SDK2: variants seen among roughly 807,000 people sequenced by gnomAD.
SDK2 encodes sidekick cell adhesion molecule 2.
In SDK2, 105 loss-of-function variants were observed where a neutral mutation model predicts 253.9. That is an observed-to-expected ratio of 0.41 (90% CI 0.35 to 0.49). The LOEUF (loss-of-function observed/expected upper bound fraction) is 0.49, where lower values mean the gene tolerates loss of function less well. Ranked by LOEUF, SDK2 falls within the 20% of genes least tolerant of loss-of-function variation. The pLI, the probability that SDK2 is intolerant of heterozygous loss-of-function variation, is 0.06. For synonymous variants in SDK2, 1,249 were observed against 1,234.9 expected, an observed-to-expected ratio of 1.01 and a Z score of -0.24; for missense variants, 2,608 against 3,003.0, an observed-to-expected ratio of 0.87 and a Z score of 3.07.
chr17:73,513,566 C>T (rs2063998620), intron 1 of SDK2: 2 of 152,194 alleles, frequency 1.3e-5, no homozygotes, highest in African/African-American at 4.8e-5. Context: ...GCTAAAAATG[C>T]ACACATCCTC....
intron 1 of SDK2, among the ~76,000 whole-genome samples, chr17:73,553,032 C>A (rs778610603): frequency 6.6e-6 from 1 of 152,242 alleles, no homozygotes; most frequent in African/African-American, 2.4e-5. Context: ...CCAGGTAGGG[C>A]AGACGGCTGC....
chr17:73,559,286 G>A (rs1049826602), intron 1 of SDK2, among the ~76,000 whole-genome samples: 10 of 152,150 alleles, frequency 6.6e-5, no homozygotes, highest in African/African-American at 2.2e-4. Context: ...TGAGCCTTGG[G>A]TTTCCTCGCT....
rs532551299 is a variant in SDK2, at chr17:73,541,633, C to A, written c.65-34036G>T. 6.6e-6 allele frequency among the ~76,000 whole-genome samples: 1 copy of A among 151,994 alleles called. No homozygotes were observed. Among genetic ancestry groups the A allele is most frequent in the Non-Finnish European group, 1.5e-5 (1 of 68,008 alleles). ...CCTGCTGGCTCTTCATTTCTCGTGGCGTGTTTACCTTCCTGATTTTGCCTG... is the reference window on the plus strand; with the variant it reads ...CCTGCTGGCTCTTCATTTCTCGTGGAGTGTTTACCTTCCTGATTTTGCCTG... On this transcript the variant is annotated intron_variant, in intron 1 of 44. Coordinates refer to ENST00000392650, the MANE Select transcript of SDK2 (RefSeq NM_001144952.2). The surrounding 1 kb of genome is among the most constrained non-coding windows in gnomAD (Gnocchi z 4.3).
chr17:73,398,229 C>T (rs750221097), intron 23 of SDK2, 44 bp from the exon 24 acceptor site: 2 of 1,599,724 alleles, frequency 1.3e-6, no homozygotes, highest in South Asian at 1.1e-5. Context: ...GGCAGCTCAC[C>T]CAACTCTCAA....
At chr17:73,376,558 C>T (rs531463167) in intron 36 of SDK2, among the ~76,000 whole-genome samples, 10 of 152,324 alleles carry the variant, frequency 6.6e-5, no homozygotes, top group East Asian at 1.9e-4. Flanking sequence ...GCACTTTCTC[C>T]GTTCACATCC....
chr17:73,472,870 T>C (rs1422022921), intron 2 of SDK2, among the ~76,000 whole-genome samples: 2 of 152,198 alleles, frequency 1.3e-5, no homozygotes, highest in Non-Finnish European at 2.9e-5. Flanking sequence ...GAAGTTTCCC[T>C]GCACAAGTTC....
At chr17:73,546,676 G>A (rs913875147) in intron 1 of SDK2, among the ~76,000 whole-genome samples, 2 of 152,250 alleles carry the variant, frequency 1.3e-5, no homozygotes, top group Non-Finnish European at 2.9e-5. Flanking sequence ...GGGAGACCTC[G>A]CTTCCTGTCT....
chr17:73,374,692 T>C (rs2062763119), intron 36 of SDK2, among the ~76,000 whole-genome samples: 1 of 150,706 alleles, frequency 6.6e-6, no homozygotes, highest in South Asian at 2.1e-4. Context: ...GGTCTCGAAC[T>C]CCTGACCTCA....
intron 1 of SDK2, among the ~76,000 whole-genome samples, chr17:73,592,591 T>C (rs529169271): frequency 2.6e-5 from 4 of 152,268 alleles, no homozygotes; most frequent in Admixed American, 6.5e-5. Flanking sequence ...GTCTGGAGTC[T>C]AACCGGGGCA....
chr17:73,549,818 G>A (rs2145834638), intron 1 of SDK2, among the ~76,000 whole-genome samples: 1 of 152,252 alleles, frequency 6.6e-6, no homozygotes, highest in Middle Eastern at 3.4e-3. Context: ...ATGATGAGAG[G>A]CACTGAAGGG....
intron 1 of SDK2, among the ~76,000 whole-genome samples, chr17:73,566,389 C>A (rs975431234): frequency 6.7e-6 from 1 of 150,190 alleles, no homozygotes; most frequent in African/African-American, 2.5e-5. Flanking sequence ...TACAGCAATG[C>A]AAACAGACAA....
intron 1 of SDK2, among the ~76,000 whole-genome samples, chr17:73,605,420 G>A (rs2045895228): frequency 6.6e-6 from 1 of 152,128 alleles, no homozygotes; most frequent in African/African-American, 2.4e-5. Flanking sequence ...GGTGGAAAAA[G>A]TCTTGCTAGA....
chr17:73,422,142 A>C lies in SDK2; in HGVS notation c.2045+145T>G. On this transcript the variant is annotated intron_variant, in intron 15 of 44. Transcript: ENST00000392650. ...TTTGCAACATCCTGGTGAGGCACTC[A>C]TCAGGATTGCTCTCCCCTTCTACAG... The C allele has an allele frequency of 3.5e-6, 3 of 865,030 alleles. No homozygotes were observed. The South Asian group carries it at 5.0e-5, about 14-fold the overall frequency. The allele number at this position is 865,030 out of a possible 1,614,324, so 53.6% of individuals were successfully genotyped here.
In SDK2 at chr17:73,352,598, T is replaced by C. The variant is rs371504437; in HGVS notation, c.5633A>G (p.Lys1878Arg). ...GCTGAACGTGTAGGAGCTCACCTCC[T>C]TGGGGATGTCTTTGATGAGGATGTC... ...LWDILIKDIP[K>R]EVSSYTFSMD... is the part of the protein sequence containing the mutation. Residue 1878 changes from lysine (K) to arginine (R), a missense_variant, in exon 41 of 45, where the codon AAG (lysine) becomes AGG (arginine). Transcript: ENST00000392650. The surrounding 1 kb of genome is among the most constrained non-coding windows in gnomAD (Gnocchi z 4.1). 1.2e-6 allele frequency: 2 copies of C among 1,613,886 alleles called. No individual in the cohort carries two copies. The highest frequency in any genetic ancestry group is 2.7e-5 in the African/African-American group (2 of 74,936).
chr17:73,463,522 G>A (rs920382284), intron 3 of SDK2, among the ~76,000 whole-genome samples: 2 of 151,616 alleles, frequency 1.3e-5, no homozygotes, highest in Admixed American at 1.3e-4. Context: ...CCCCTACCCT[G>A]GATCTCCCCC....
chr17:73,604,094 C>T (rs1198638152), intron 1 of SDK2, among the ~76,000 whole-genome samples: 1 of 152,258 alleles, frequency 6.6e-6, no homozygotes, highest in East Asian at 1.9e-4. Context: ...CGGGCAGCGC[C>T]AGCGTCAGCC....
chr17:73,484,211 T>C (rs1047053846), intron 2 of SDK2, among the ~76,000 whole-genome samples: 4 of 152,264 alleles, frequency 2.6e-5, no homozygotes, highest in Admixed American at 1.3e-4. Context: ...ATGATTCTTT[T>C]CATGCCAAGG....
In SDK2 at chr17:73,401,090, C is replaced by T. The variant is rs1207912357; in HGVS notation, c.2901G>A (p.Glu967=). The T allele has an allele frequency of 6.4e-7, 1 of 1,569,268 alleles. No individual in the cohort carries two copies. Among genetic ancestry groups the T allele is most frequent in the Non-Finnish European group, 8.6e-7 (1 of 1,157,226 alleles). The change falls in exon 21 of 45, where the codon GAG becomes GAA. Residue 967 remains glutamate, a synonymous_variant. Transcript: ENST00000392650. ...GGCCCTTTGAGGTCATGGCGGCCAC[C>T]TCGATGGTGTAGGTGGTGAGCGCGG... ...GLTALTTYTI[E]VAAMTSKGQG...
intron 3 of SDK2, among the ~76,000 whole-genome samples, chr17:73,468,370 ATAT>A (rs546317676): frequency 6.6e-6 from 1 of 152,124 alleles, no homozygotes; most frequent in Non-Finnish European, 1.5e-5. Context: ...TAGGAGGTCG[ATAT>A]TATTAATACA....
Sources: allele counts gnomAD v4.1 joint callset (sites outside exome capture counted in the v4.1 genomes callset), GRCh38; gene constraint gnomAD v4.1.1; non-coding constraint Gnocchi (gnomAD v3.1); transcripts MANE v1.5; gene names NCBI Gene and HGNC (gene_info 2026-07-23, HGNC 2026-07-21).